CCDC170: variants seen among roughly 807,000 people sequenced by gnomAD.
CCDC170 encodes coiled-coil domain containing 170.
CCDC170 carries 69 observed loss-of-function variants against 72.6 expected under a neutral mutation model. The observed-to-expected ratio is 0.95, with a 90% CI of 0.78 to 1.16. The LOEUF (loss-of-function observed/expected upper bound fraction) is 1.16, where lower values mean the gene tolerates loss of function less well. CCDC170 is among the 50% of genes most tolerant of loss of function. The pLI is 0.00. For synonymous variants in CCDC170, 300 were observed against 303.9 expected, an observed-to-expected ratio of 0.99 and a Z score of 0.13; for missense variants, 852 against 832.5, an observed-to-expected ratio of 1.02 and a Z score of -0.29.
At chr6:151,504,282 G>A (rs555097313) in intron 1 of CCDC170, among the ~76,000 whole-genome samples, 5 of 152,032 alleles carry the variant, frequency 3.3e-5, no homozygotes, top group South Asian at 2.1e-4. Flanking sequence ...CAACTTTTCC[G>A]TAGGATTGAA....
At chr6:151,531,968 G>T (rs964670346) in intron 1 of CCDC170, among the ~76,000 whole-genome samples, 1 of 152,208 alleles carries the variant, frequency 6.6e-6, no homozygotes, top group East Asian at 1.9e-4. Context: ...TACAATTCAA[G>T]ATGATATTTG....
intron 10 of CCDC170, among the ~76,000 whole-genome samples, chr6:151,617,109 G>A (rs2115151494): frequency 6.6e-6 from 1 of 152,298 alleles, no homozygotes; most frequent in East Asian, 1.9e-4. Flanking sequence ...ATTCAGTTTG[G>A]ATCATCCCTT....
chr6:151,591,534 G>A (rs369452636), intron 7 of CCDC170, among the ~76,000 whole-genome samples: 5 of 151,198 alleles, frequency 3.3e-5, no homozygotes, highest in Admixed American at 6.6e-5. Context: ...TTGCTCTGTC[G>A]CCCAGGCTGG....
At chr6:151,593,043 T>C in intron 7 of CCDC170, 64 bp from the exon 8 acceptor site, 1 of 1,526,930 alleles carries the variant, frequency 6.5e-7, no homozygotes, top group Non-Finnish European at 9.1e-7. Flanking sequence ...AGGAAGAGAT[T>C]CTGTGAGATC....
At chr6:151,592,941 G>A in intron 7 of CCDC170, 166 bp from the exon 8 acceptor site, 1 of 672,012 alleles carries the variant, frequency 1.5e-6, no homozygotes, top group Non-Finnish European at 2.5e-6. Flanking sequence ...CTGGCAGGGT[G>A]GTTCAGGAAT....
intron 1 of CCDC170, among the ~76,000 whole-genome samples, chr6:151,528,473 G>C (rs1197991745): frequency 6.6e-6 from 1 of 152,174 alleles, no homozygotes; most frequent in East Asian, 1.9e-4. Flanking sequence ...ATTTTTGTCT[G>C]TCCTTGTCTC....
At chr6:151,501,422 CGTT>C (rs1358204517) in intron 1 of CCDC170, among the ~76,000 whole-genome samples, 2 of 152,040 alleles carry the variant, frequency 1.3e-5, no homozygotes, top group African/African-American at 2.4e-5. Context: ...TTGTATAAGT[CGTT>C]ATTATTAGGG....
At chr6:151,583,823 A>G (rs140492067) in intron 6 of CCDC170, among the ~76,000 whole-genome samples, 1 of 152,280 alleles carries the variant, frequency 6.6e-6, no homozygotes, top group Non-Finnish European at 1.5e-5. Context: ...TAATGTGAAT[A>G]TTGTTGTGTC....
chr6:151,500,833 C>G (rs907888004), intron 1 of CCDC170, among the ~76,000 whole-genome samples: 6 of 152,032 alleles, frequency 3.9e-5, no homozygotes, highest in Non-Finnish European at 8.8e-5. Context: ...AAATCCACAA[C>G]TAAAGAGAAT....
chr6:151,513,128 C>T (rs967582337), intron 1 of CCDC170, among the ~76,000 whole-genome samples: 3 of 152,184 alleles, frequency 2.0e-5, no homozygotes, highest in Non-Finnish European at 4.4e-5. Context: ...TGTCGAATCG[C>T]GGGAGAGTAG....
intron 6 of CCDC170, among the ~76,000 whole-genome samples, chr6:151,577,714 T>C (rs1776323446): frequency 6.6e-6 from 1 of 152,212 alleles, no homozygotes; most frequent in Admixed American, 6.5e-5. Flanking sequence ...GGAAATGGGC[T>C]GCACAGGAGG....
intron 1 of CCDC170, among the ~76,000 whole-genome samples, chr6:151,527,050 ATTTTTTTT>A (rs56941290): frequency 5.7e-5 from 4 of 69,682 alleles, no homozygotes; most frequent in African/African-American, 1.1e-4. Context: ...ATGCTTAGCT[ATTTTTTTT>A]TTTTTTTTTT....
chr6:151,503,470 G>C (rs983084839), intron 1 of CCDC170, among the ~76,000 whole-genome samples: 2 of 151,724 alleles, frequency 1.3e-5, no homozygotes, highest in African/African-American at 4.8e-5. Context: ...TTATTTTTTT[G>C]AGGTGGAATC....
chr6:151,611,109 C>T (rs1046940318), intron 9 of CCDC170, among the ~76,000 whole-genome samples: 4 of 152,200 alleles, frequency 2.6e-5, no homozygotes, highest in African/African-American at 7.2e-5. Flanking sequence ...AACCCCGTCT[C>T]TACTAAAAAT....
chr6:151,600,245 T>C (rs1402560965), intron 9 of CCDC170, among the ~76,000 whole-genome samples: 3 of 152,248 alleles, frequency 2.0e-5, no homozygotes, highest in African/African-American at 7.2e-5. Context: ...CTATCCACCA[T>C]TGTACATTGC....
In CCDC170 at chr6:151,526,596, A is replaced by G. The variant is rs1000197120; in HGVS notation, c.58-9722A>G. On this transcript the variant is annotated intron_variant, in intron 1 of 10. Coordinates refer to ENST00000239374, the MANE Select transcript of CCDC170 (RefSeq NM_025059.4). Reference sequence around the variant, plus strand: ...AGTGGTGCGATCTTGTCTCACTGCAAACTCCGCCTCCTGGGTCCAAGCGAT... The same window carrying G: ...AGTGGTGCGATCTTGTCTCACTGCAGACTCCGCCTCCTGGGTCCAAGCGAT... Among the ~76,000 whole-genome samples, 4 of 150,732 alleles carry G rather than the reference A, an allele frequency of 2.7e-5. No individual in the cohort carries two copies. The East Asian group carries it at 7.8e-4, about 29-fold the overall frequency.
rs568700773 is a variant in CCDC170, at chr6:151,494,894, C to T, written c.57+709C>T. On this transcript the variant is annotated intron_variant, in intron 1 of 10. Transcript: ENST00000239374. Reference sequence around the variant, plus strand: ...GGCTCAGTCTGGGTTAAGAATCCCCCTTTGGCCTTGGCATCGGGGCCCACC... The same window carrying T: ...GGCTCAGTCTGGGTTAAGAATCCCCTTTTGGCCTTGGCATCGGGGCCCACC... 3.3e-5 allele frequency among the ~76,000 whole-genome samples: 5 copies of T among 152,342 alleles called. No individual in the cohort carries two copies. In the South Asian group the frequency reaches 6.2e-4, roughly 19 times the overall value.
chr6:151,512,710 C>T (rs962794822), intron 1 of CCDC170, among the ~76,000 whole-genome samples: 7 of 96,498 alleles, frequency 7.3e-5, no homozygotes, highest in African/African-American at 1.6e-4. Flanking sequence ...AGTGTTTAAC[C>T]GAGTTCCTCC....
chr6:151,597,419 C>T (rs576639311), intron 9 of CCDC170, among the ~76,000 whole-genome samples: 14 of 152,286 alleles, frequency 9.2e-5, no homozygotes, highest in South Asian at 4.1e-4. Flanking sequence ...TGAGCCACTG[C>T]GCCTGGCCAA....
Sources: gnomAD v4.1 joint callset for allele counts (sites outside exome capture counted in the v4.1 genomes callset) on GRCh38, gnomAD v4.1.1 for gene constraint, MANE v1.5 for transcripts, NCBI Gene and HGNC (gene_info 2026-07-23, HGNC 2026-07-21) for gene names.